Variants in GNAL observed in about 807,000 individuals in gnomAD.
The protein encoded by GNAL is G protein subunit alpha L, also known as guanine nucleotide-binding protein G(olf) subunit alpha.
A neutral mutation model predicts 55.1 loss-of-function variants in GNAL; 18 were observed. The observed-to-expected ratio is 0.33, with a 90% CI of 0.23 to 0.48. The LOEUF is 0.48. GNAL is among the 20% of genes least tolerant of loss of function. The pLI is 0.99. For synonymous variants in GNAL, 253 were observed against 237.0 expected (o/e 1.07, Z -0.62); for missense variants, 412 against 614.1 (o/e 0.67, Z 3.48).
chr18:11,864,214 G>A (rs962444327), intron 6 of GNAL, among the ~76,000 whole-genome samples: 2 of 151,084 alleles, frequency 1.3e-5, no homozygotes, highest in African/African-American at 4.9e-5. Flanking sequence ...AGCTTCCCAA[G>A]TAGCTGGGAT....
At chr18:11,792,707 T>C (rs1292151117) in intron 4 of GNAL, among the ~76,000 whole-genome samples, 3 of 152,220 alleles carry the variant, frequency 2.0e-5, no homozygotes, top group Admixed American at 2.0e-4. Context: ...TCAATAAATA[T>C]TTGTTGAATG....
chr18:11,786,223 G>A (rs2034052077), intron 4 of GNAL, among the ~76,000 whole-genome samples: 1 of 152,014 alleles, frequency 6.6e-6, no homozygotes, highest in Admixed American at 6.6e-5. Context: ...TCCTCACAGG[G>A]CAGTATTACT....
At chr18:11,771,215 T>TAAA (rs539820206) in intron 4 of GNAL, among the ~76,000 whole-genome samples, 49 of 128,738 alleles carry the variant, frequency 3.8e-4, no homozygotes, top group Non-Finnish European at 6.0e-4. Context: ...TGAAACTCTG[T>TAAA]AAAAAAAAAA....
At chr18:11,798,128 G>C (rs2034437542) in intron 4 of GNAL, among the ~76,000 whole-genome samples, 1 of 152,150 alleles carries the variant, frequency 6.6e-6, no homozygotes, top group African/African-American at 2.4e-5. Flanking sequence ...AGTTACTCTG[G>C]AGGCTGAGGC....
chr18:11,746,811 T>C, intron 1 of GNAL: 1 of 485,768 alleles, frequency 2.1e-6, no homozygotes, highest in Admixed American at 2.2e-5. Context: ...CCTGATTTAT[T>C]GGTTGCTGGA....
intron 1 of GNAL, among the ~76,000 whole-genome samples, chr18:11,718,717 A>G (rs2032028878): frequency 6.6e-6 from 1 of 152,220 alleles, no homozygotes. Flanking sequence ...TTCTCTGAGC[A>G]GCATTAACAA....
At chr18:11,823,124 A>T (rs1371279117) in intron 4 of GNAL, among the ~76,000 whole-genome samples, 1 of 152,202 alleles carries the variant, frequency 6.6e-6, no homozygotes, top group Non-Finnish European at 1.5e-5. Context: ...TGATAACGGC[A>T]TAATGCAGGA....
chr18:11,806,519 A>G (rs747738492), intron 4 of GNAL, among the ~76,000 whole-genome samples: 1 of 152,148 alleles, frequency 6.6e-6, no homozygotes, highest in Non-Finnish European at 1.5e-5. Context: ...CGATTTTTGT[A>G]TATAGTGAGA....
At chr18:11,869,594 A>G (rs2036347370) in intron 9 of GNAL, among the ~76,000 whole-genome samples, 1 of 152,226 alleles carries the variant, frequency 6.6e-6, no homozygotes, top group South Asian at 2.1e-4. Flanking sequence ...ATATTCAAAA[A>G]TAAATTTAAG....
intron 4 of GNAL, among the ~76,000 whole-genome samples, chr18:11,797,896 C>T (rs894330310): frequency 6.6e-6 from 1 of 152,198 alleles, no homozygotes; most frequent in Admixed American, 6.5e-5. Flanking sequence ...GTTTTGGGAT[C>T]AGCCAGTGAG....
intron 4 of GNAL, among the ~76,000 whole-genome samples, chr18:11,793,756 T>A (rs533096295): frequency 6.6e-6 from 1 of 151,404 alleles, no homozygotes; most frequent in South Asian, 2.1e-4. Flanking sequence ...AAACTGTGCC[T>A]CTACTAAAAA....
At position 11,865,261 on chromosome 18, in the gene GNAL, G is replaced by A. The variant is rs532184058; in HGVS notation, c.851+655G>A. 1.3e-3 allele frequency among the ~76,000 whole-genome samples: 188 copies of A among 149,384 alleles called. 15 individuals are homozygous for A. Among genetic ancestry groups the A allele is most frequent in the African/African-American group, 4.6e-3 (180 of 38,980 alleles). On this transcript the variant is annotated intron_variant, in intron 7 of 11. Transcript: ENST00000334049. Reference sequence around the variant, plus strand: ...CGGGGCTCACTACTGCTTGTGCACCGTATGACCCAAGCCCTCTGCCTATGA... The same window carrying A: ...CGGGGCTCACTACTGCTTGTGCACCATATGACCCAAGCCCTCTGCCTATGA...
chr18:11,762,652 G>A (rs954807146), intron 4 of GNAL, among the ~76,000 whole-genome samples: 7 of 152,222 alleles, frequency 4.6e-5, no homozygotes, highest in Admixed American at 1.3e-4. Flanking sequence ...AGGCCACGGC[G>A]GGTTAGGGAG....
At chr18:11,710,753 A>T (rs1389866936) in intron 1 of GNAL, among the ~76,000 whole-genome samples, 11 of 152,170 alleles carry the variant, frequency 7.2e-5, no homozygotes, top group Admixed American at 6.5e-4. Flanking sequence ...TTTTGCTAAG[A>T]AATCTGCCAA....
chr18:11,885,089 A>G lies in GNAL; in HGVS notation c.*3954A>G, dbSNP rs1322453630. ...GTCGTCTCCATGGGCTTTTCTTTGC[A>G]GATACTTTTATGTGGAACAACAGTG... On this transcript the variant is annotated 3_prime_UTR_variant, in exon 12 of 12. Transcript: ENST00000334049. The G allele has an allele frequency of 1.6e-6, 2 of 1,254,824 alleles. No homozygotes were observed. The highest frequency in any genetic ancestry group is 2.6e-5 in the South Asian group (2 of 76,178). The allele number at this position is 1,254,824 out of a possible 1,614,324, so 77.7% of individuals were successfully genotyped here. A position where few individuals can be genotyped will look rare whatever the true frequency, so the allele number is the denominator to read the frequency against.
rs1160949212 is a variant in GNAL at position 11,689,817 on chromosome 18, A to G, written c.254A>G (p.Glu85Gly). 3 of 1,537,932 alleles carry G rather than the reference A, an allele frequency of 2.0e-6. No individual in the cohort carries two copies. The highest frequency in any genetic ancestry group is 1.2e-5 in the South Asian group (1 of 83,094). Residue 85 changes from glutamate (E) to glycine (G), a missense_variant, in exon 1 of 12, where the codon GAG (glutamate) becomes GGG (glycine). Transcript: ENST00000334049. ...CGCACCGAGCAGCTGAGTGCCGAGGAGCGCGAGGCGGCCAAGGAGCGCGAG... is the reference window on the plus strand; with the variant it reads ...CGCACCGAGCAGCTGAGTGCCGAGGGGCGCGAGGCGGCCAAGGAGCGCGAG... ...RQRTEQLSAE[E>G]REAAKEREAV... is the part of the protein sequence containing the mutation.
chr18:11,853,000 G>A (rs1199471198), intron 5 of GNAL: 1 of 167,042 alleles, frequency 6.0e-6, no homozygotes, highest in African/African-American at 2.4e-5. Flanking sequence ...TGGCAGTCAT[G>A]TTACACACTC....
At chr18:11,775,427 G>GC (rs1555649252) in intron 4 of GNAL, among the ~76,000 whole-genome samples, 1 of 152,188 alleles carries the variant, frequency 6.6e-6, no homozygotes, top group Non-Finnish European at 1.5e-5. Context: ...ACACATGCAC[G>GC]CCCCCGTGTA....
At chr18:11,790,651 C>CTTTTTTTTTTTTTTTTTTT (rs1232488173) in intron 4 of GNAL, among the ~76,000 whole-genome samples, 5 of 83,356 alleles carry the variant, frequency 6.0e-5, no homozygotes, top group Non-Finnish European at 6.6e-5. Context: ...CTTTTCTTTT[C>CTTTTTTTTTTTTTTTTTTT]TTTTTTTTTC....
Sources: gnomAD v4.1 joint callset for allele counts (sites outside exome capture counted in the v4.1 genomes callset) on GRCh38, gnomAD v4.1.1 for gene constraint, MANE v1.5 for transcripts, NCBI Gene and HGNC (gene_info 2026-07-23, HGNC 2026-07-21) for gene names.